The following THAP5 variants were observed in gnomAD, a reference collection of about 807,000 sequenced individuals.
THAP5 encodes THAP domain containing 5.
Under a neutral mutation model 34.0 loss-of-function variants are expected in THAP5, and 26 were observed. The observed-to-expected ratio is 0.77, with a 90% CI of 0.56 to 1.06. The LOEUF (loss-of-function observed/expected upper bound fraction) is 1.06, where lower values mean the gene tolerates loss of function less well. Among genes scored for constraint, THAP5 ranks in the 50% least tolerant of loss-of-function variants. THAP5 has a pLI of 0.00. For synonymous variants in THAP5, 125 were observed against 153.0 expected, an observed-to-expected ratio of 0.82 and a Z score of 1.35; for missense variants, 394 against 452.8, an observed-to-expected ratio of 0.87 and a Z score of 1.18.
intron 1 of THAP5, chr7:108,569,102 G>A (rs1790551939): frequency 8.6e-6 from 9 of 1,046,482 alleles, no homozygotes; most frequent in Non-Finnish European, 1.0e-5. Flanking sequence ...GACCTACCTC[G>A]CGGGGGGTGT....
At position 108,569,609 on chromosome 7, in the gene THAP5, A is replaced by G. The variant is rs2154518218; in HGVS notation, c.-40T>C. The G allele has an allele frequency of 6.5e-7, 1 of 1,548,354 alleles. No individual in the cohort carries two copies. Among genetic ancestry groups the G allele is most frequent in the South Asian group, 1.2e-5 (1 of 83,996 alleles). On this transcript the variant is annotated 5_prime_UTR_variant, in exon 1 of 3. Transcript: ENST00000415914. ...CCCTGGAGACCGGGGCCGGCGACGG[A>G]TGCAGGGCGGCCCTCCTCACTGAGG...
chr7:108,548,801 C>T, the THAP5 span, among the ~76,000 whole-genome samples: 1 of 152,120 alleles, frequency 6.6e-6, no homozygotes, highest in Non-Finnish European at 1.5e-5. Context: ...TCAATTACCT[C>T]CCACTGGTCC....
chr7:108,549,954 T>C (rs1327400839), downstream of THAP5, among the ~76,000 whole-genome samples: 2 of 152,218 alleles, frequency 1.3e-5, no homozygotes, highest in Non-Finnish European at 2.9e-5. Context: ...GGAATTCCTT[T>C]TGCTTCTTTC....
intron 1 of THAP5, among the ~76,000 whole-genome samples, chr7:108,556,294 C>T (rs1455428375): frequency 1.3e-5 from 2 of 152,126 alleles, no homozygotes; most frequent in African/African-American, 2.4e-5. Flanking sequence ...CCAACAGTTC[C>T]CCTAAGTCGT....
chr7:108,544,300 G>A, the THAP5 span, among the ~76,000 whole-genome samples: 1 of 152,030 alleles, frequency 6.6e-6, no homozygotes, highest in Non-Finnish European at 1.5e-5. Context: ...GCCGAGGCGG[G>A]TGGATCACCT....
At position 108,565,987 on chromosome 7, in the gene THAP5, C is replaced by T. The variant is rs1338026976; in HGVS notation, c.116G>A (p.Trp39Ter). 3.9e-6 allele frequency: 6 copies of T among 1,542,134 alleles called. No individual in the cohort carries two copies. The highest frequency in any genetic ancestry group is 5.2e-6 in the Non-Finnish European group (6 of 1,143,924). ...PLHDKERLEK[W>*]LKNMKRDSWV... Reference sequence around the variant, plus strand: ...TGAATCTCGCTTCATATTCTTTAACCACTTTTCCAGTCTTTCTTTGTCATG... The same window carrying T: ...TGAATCTCGCTTCATATTCTTTAACTACTTTTCCAGTCTTTCTTTGTCATG... The change falls in exon 2 of 3, where the codon TGG becomes TAG. Residue 39 changes from tryptophan (W) to a stop codon, truncating the protein, a stop_gained. Coordinates refer to ENST00000415914, the MANE Select transcript of THAP5 (RefSeq NM_001130475.3). LOFTEE classifies it high-confidence loss of function.
downstream of THAP5, among the ~76,000 whole-genome samples, chr7:108,559,369 T>C (rs1599008282): frequency 6.6e-6 from 1 of 152,134 alleles, no homozygotes; most frequent in Non-Finnish European, 1.5e-5. Context: ...GTAGTCTCTA[T>C]GGAGAGAGGA....
downstream of THAP5, among the ~76,000 whole-genome samples, chr7:108,550,248 C>A (rs1864345232): frequency 6.6e-6 from 1 of 152,090 alleles, no homozygotes; most frequent in South Asian, 2.1e-4. Context: ...AAGTTTGGAG[C>A]TACTCTATTC....
downstream of THAP5, among the ~76,000 whole-genome samples, chr7:108,549,586 T>C (rs1401825691): frequency 6.6e-6 from 1 of 152,226 alleles, no homozygotes; most frequent in East Asian, 1.9e-4. Context: ...ATCTTCCCAA[T>C]ATACATTGTG....
chr7:108,547,073 G>A, the THAP5 span, among the ~76,000 whole-genome samples: 1 of 152,142 alleles, frequency 6.6e-6, no homozygotes, highest in African/African-American at 2.4e-5. Flanking sequence ...AATGCTTCTT[G>A]AGCATATTAT....
At chr7:108,552,625 C>T (rs913984303), downstream of THAP5, among the ~76,000 whole-genome samples, 3 of 152,310 alleles carry the variant, frequency 2.0e-5, no homozygotes, top group South Asian at 4.1e-4. Context: ...CATGGTGAAA[C>T]GCTGTCTCTA....
downstream of THAP5, among the ~76,000 whole-genome samples, chr7:108,561,317 G>A (rs1191222142): frequency 2.0e-5 from 3 of 151,078 alleles, no homozygotes; most frequent in Non-Finnish European, 4.4e-5. Flanking sequence ...AGGCTGGAAT[G>A]CAGTGGCACG....
the THAP5 span, among the ~76,000 whole-genome samples, chr7:108,548,656 G>T: frequency 6.6e-6 from 1 of 152,176 alleles, no homozygotes; most frequent in African/African-American, 2.4e-5. Context: ...GAAGGCAAAT[G>T]AGGAGCAAAG....
chr7:108,545,473 C>T, the THAP5 span, among the ~76,000 whole-genome samples: 3 of 152,158 alleles, frequency 2.0e-5, no homozygotes, highest in East Asian at 5.8e-4. Flanking sequence ...CAAATATTTA[C>T]AGACAATTTT....
downstream of THAP5, among the ~76,000 whole-genome samples, chr7:108,561,514 C>G (rs1298898059): frequency 6.7e-6 from 1 of 150,270 alleles, no homozygotes; most frequent in Non-Finnish European, 1.5e-5. Context: ...AGCAATCTGT[C>G]TACCTGGTCC....
chr7:108,560,687 G>A (rs945973909), downstream of THAP5, among the ~76,000 whole-genome samples: 3 of 152,186 alleles, frequency 2.0e-5, no homozygotes, highest in African/African-American at 4.8e-5. Context: ...TGACATGAGG[G>A]AGCCTCTTTT....
chr7:108,561,714 C>T (rs999342054), downstream of THAP5, among the ~76,000 whole-genome samples: 1 of 152,148 alleles, frequency 6.6e-6, no homozygotes, highest in Admixed American at 6.5e-5. Context: ...TAGAAAAATA[C>T]AGTAACACTG....
intron 1 of THAP5, among the ~76,000 whole-genome samples, chr7:108,555,790 C>T (rs924748418): frequency 7.3e-5 from 11 of 151,382 alleles, no homozygotes; most frequent in African/African-American, 2.4e-4. Context: ...GCAACCTCCA[C>T]CTCCCAGGTT....
At chr7:108,548,596 T>G in the THAP5 span, among the ~76,000 whole-genome samples, 1 of 152,186 alleles carries the variant, frequency 6.6e-6, no homozygotes, top group East Asian at 1.9e-4. Flanking sequence ...GGAAAGAGGT[T>G]TAATTGACTC....
Sources: allele counts gnomAD v4.1 joint callset (sites outside exome capture counted in the v4.1 genomes callset), GRCh38; gene constraint gnomAD v4.1.1; transcripts MANE v1.5; gene names NCBI Gene and HGNC (gene_info 2026-07-23, HGNC 2026-07-21).